IRS1: variants seen among roughly 807,000 people sequenced by gnomAD.
IRS1 encodes insulin receptor substrate 1.
A neutral mutation model predicts 65.6 loss-of-function variants in IRS1; 34 were observed. The ratio of observed to expected loss-of-function variants is 0.52; its 90% CI spans 0.39 to 0.69. The LOEUF (loss-of-function observed/expected upper bound fraction) is 0.69, where lower values mean the gene tolerates loss of function less well. IRS1 is among the 30% of genes least tolerant of loss of function. The pLI, the probability that IRS1 is intolerant of heterozygous loss-of-function variation, is 0.00. For missense variants in IRS1, 1,641 were observed against 1,720.2 expected (o/e 0.95, Z 0.81); for synonymous variants, 699 against 683.5 (o/e 1.02, Z -0.35).
rs1938662219 is a variant in IRS1, at chr2:226,750,759, A to C, written c.*22-14509T>G. On this transcript the variant is annotated intron_variant, in intron 1 of 1. Coordinates refer to ENST00000305123, the MANE Select transcript of IRS1 (RefSeq NM_005544.3). ...CATACTAAAGAAAAGCACAGAGAAA[A>C]TATCCAGATTATAAGGATATAGAAT... Among the ~76,000 whole-genome samples the C allele has an allele frequency of 2.0e-5, 3 of 152,216 alleles. No homozygotes were observed. In the South Asian group the frequency reaches 6.2e-4, roughly 32 times the overall value.
intron 1 of IRS1, among the ~76,000 whole-genome samples, chr2:226,736,567 C>G (rs1047111280): frequency 1.2e-4 from 19 of 152,236 alleles, no homozygotes; most frequent in African/African-American, 4.3e-4. Context: ...CAAAAACATA[C>G]ATCATTAGTT....
Position 226,774,372 on chromosome 2 carries a change from C to T in IRS1, c.*21+20617G>A, listed in dbSNP as rs555070742. Reference sequence around the variant, plus strand: ...TGGTACATAACCTATAAAGTTCTGTCTCTGAAAAAGTAAAACACTAACATG... The same window carrying T: ...TGGTACATAACCTATAAAGTTCTGTTTCTGAAAAAGTAAAACACTAACATG... On this transcript the variant is annotated intron_variant, in intron 1 of 1. Transcript: ENST00000305123. Among the ~76,000 whole-genome samples the T allele has an allele frequency of 2.6e-5, 4 of 151,998 alleles. No individual in the cohort carries two copies. In the South Asian group the frequency reaches 8.3e-4, roughly 32 times the overall value.
chr2:226,759,072 T>C (rs369437503), intron 1 of IRS1, among the ~76,000 whole-genome samples: 2 of 152,158 alleles, frequency 1.3e-5, no homozygotes, highest in African/African-American at 4.8e-5. Context: ...AAAAATCGGC[T>C]CTAATATCCA....
intron 1 of IRS1, among the ~76,000 whole-genome samples, chr2:226,751,415 C>G (rs983175467): frequency 6.6e-6 from 1 of 151,416 alleles, no homozygotes; most frequent in Non-Finnish European, 1.5e-5. Context: ...TCCCGAGTAG[C>G]TGGGACTACA....
chr2:226,752,336 T>C (rs1191423761), intron 1 of IRS1, among the ~76,000 whole-genome samples: 2 of 152,214 alleles, frequency 1.3e-5, no homozygotes, highest in African/African-American at 2.4e-5. Flanking sequence ...AGTAGCAAAC[T>C]GGTCCCCAAT....
intron 1 of IRS1, among the ~76,000 whole-genome samples, chr2:226,766,419 CT>C (rs1939050169): frequency 6.6e-6 from 1 of 151,420 alleles, no homozygotes; most frequent in East Asian, 1.9e-4. Flanking sequence ...TTGCCTTTGC[CT>C]CCCAAAGTGC....
chr2:226,754,987 T>G (rs889968418), intron 1 of IRS1, among the ~76,000 whole-genome samples: 4 of 152,176 alleles, frequency 2.6e-5, no homozygotes, highest in African/African-American at 7.2e-5. Context: ...GACTAATATT[T>G]TGACAAACAC....
Position 226,798,929 on chromosome 2 carries a change from AGG to A in IRS1, c.-193_-192del. ...GAAGGAGGACGCAGCTGCTGAGCCC[AGG>A]AGAGAGCCCGACCGGAGTTTTCGGG... is the stretch of plus-strand genomic sequence containing the variant. On this transcript the variant is annotated 5_prime_UTR_variant, in exon 1 of 2. Transcript: ENST00000305123. This position sits in a 1 kb window ranked among gnomAD's most constrained non-coding sequence, Gnocchi z 9.4. 3.4e-6 allele frequency: 5 copies of A among 1,463,302 alleles called. No homozygotes were observed. Among genetic ancestry groups the A allele is most frequent in the Non-Finnish European group, 4.5e-6 (5 of 1,107,050 alleles). 90.6% of individuals were successfully genotyped at this position (1,463,302 alleles called of 1,614,324 possible).
Position 226,798,641 on chromosome 2 carries a change from C to A in IRS1, c.98G>T (p.Arg33Leu). The A allele has an allele frequency of 6.2e-7, 1 of 1,613,036 alleles. No homozygotes were observed. The highest frequency in any genetic ancestry group is 8.5e-7 in the Non-Finnish European group (1 of 1,179,562). The change falls in exon 1 of 2, where the codon CGC becomes CTC. Residue 33 changes from arginine (R) to leucine (L), a missense_variant. Physicochemically the swap from Arg to Leu is moderately radical, Grantham distance 102 (BLOSUM62 -2). Around this residue, in one of 3 missense-constraint regions of IRS1, gnomAD observed 240 missense variants for 229.6 expected, o/e 1.05. Transcript: ENST00000305123. This position sits in a 1 kb window ranked among gnomAD's most constrained non-coding sequence, Gnocchi z 9.4. ...CGGGCCCCCAGCCTCGCTGGCCGCGCGCAGTACGAAGAAGCGTTTGTGCAT... is the reference window on the plus strand; with the variant it reads ...CGGGCCCCCAGCCTCGCTGGCCGCGAGCAGTACGAAGAAGCGTTTGTGCAT... ...KSMHKRFFVL[R>L]AASEAGGPAR...
At chr2:226,744,472 T>C (rs1159176300) in intron 1 of IRS1, among the ~76,000 whole-genome samples, 1 of 152,160 alleles carries the variant, frequency 6.6e-6, no homozygotes, top group Non-Finnish European at 1.5e-5. Context: ...CCCTACAACA[T>C]ACATCTAAGG....
Position 226,795,469 on chromosome 2 carries a change from T to C in IRS1, c.3270A>G (p.Ala1090=). The C allele has an allele frequency of 6.2e-7, 1 of 1,613,596 alleles. No individual in the cohort carries two copies. Among genetic ancestry groups the C allele is most frequent in the Non-Finnish European group, 8.5e-7 (1 of 1,180,024 alleles). The change falls in exon 1 of 2, where the codon GCA becomes GCG. Residue 1090 remains alanine (A), a synonymous_variant. Coordinates refer to ENST00000305123, the MANE Select transcript of IRS1 (RefSeq NM_005544.3). ...NRNQSAKVIR[A]DPQGCRRRHS... is the part of the protein sequence containing the mutation. Reference sequence around the variant, plus strand: ...GCCTCCGCCGGCACCCTTGTGGGTCTGCACGGATCACTTTGGCACTCTGGT... The same window carrying C: ...GCCTCCGCCGGCACCCTTGTGGGTCCGCACGGATCACTTTGGCACTCTGGT...
At chr2:226,768,694 T>G (rs1262471377) in intron 1 of IRS1, among the ~76,000 whole-genome samples, 1 of 152,172 alleles carries the variant, frequency 6.6e-6, no homozygotes, top group East Asian at 1.9e-4. Context: ...AATCTTGTAG[T>G]GGCGCTATCT....
rs147991761 is a variant in IRS1 at position 226,764,221 on chromosome 2, A to C, written c.*22-27971T>G. 3.3e-4 allele frequency among the ~76,000 whole-genome samples: 50 copies of C among 152,032 alleles called. No individual in the cohort carries two copies. The East Asian group carries it at 9.3e-3, about 28-fold the overall frequency. On this transcript the variant is annotated intron_variant, in intron 1 of 1. Transcript: ENST00000305123. Reference sequence around the variant, plus strand: ...CTTTAGAAACATCGAAGGATCACTAATGGAATGTGGCAAGAATCAGAGCTA... The same window carrying C: ...CTTTAGAAACATCGAAGGATCACTACTGGAATGTGGCAAGAATCAGAGCTA...
rs1178647249 is a variant in IRS1 at position 226,795,807 on chromosome 2, G to T, written c.2932C>A (p.Pro978Thr). 1 of 1,612,980 alleles carries T rather than the reference G, an allele frequency of 6.2e-7. No homozygotes were observed. Among genetic ancestry groups the T allele is most frequent in the African/African-American group, 1.3e-5 (1 of 75,052 alleles). The change falls in exon 1 of 2, where the codon CCT becomes ACT. Residue 978 changes from proline (P) to threonine (T), a missense_variant. Physicochemically the swap from Pro to Thr is conservative, Grantham distance 38. Transcript: ENST00000305123. ...APPGAASICR[P>T]TRAVPSSRGD... ...CGGCTGCTGGGCACTGCCCGGGTAG[G>T]CCTGCAAATGCTAGCAGCCCCGGGA...
At chr2:226,768,111 A>G (rs191367280) in intron 1 of IRS1, among the ~76,000 whole-genome samples, 13 of 152,220 alleles carry the variant, frequency 8.5e-5, no homozygotes, top group African/African-American at 3.1e-4. Context: ...TTCTACTGGG[A>G]CACTCTTCAC....
At chr2:226,774,699 G>A (rs545128705) in intron 1 of IRS1, among the ~76,000 whole-genome samples, 1 of 152,272 alleles carries the variant, frequency 6.6e-6, no homozygotes, top group South Asian at 2.1e-4. Flanking sequence ...TTTCATAACA[G>A]GTTGGTGGTC....
intron 1 of IRS1, among the ~76,000 whole-genome samples, chr2:226,746,433 GATGCA>G (rs1938547000): frequency 6.6e-6 from 1 of 152,108 alleles, no homozygotes; most frequent in Non-Finnish European, 1.5e-5. Context: ...ATTGCTGCCA[GATGCA>G]CATCTAATTG....
chr2:226,766,331 T>A (rs2106169580), intron 1 of IRS1, among the ~76,000 whole-genome samples: 1 of 149,994 alleles, frequency 6.7e-6, no homozygotes, highest in South Asian at 2.1e-4. Context: ...CCTCAGCTAA[T>A]TTTTGTATCT....
chr2:226,774,098 A>T (rs1285666379), intron 1 of IRS1, among the ~76,000 whole-genome samples: 1 of 152,184 alleles, frequency 6.6e-6, no homozygotes. Context: ...TTCCCACTGG[A>T]CGTCCGGAAA....
Sources: allele counts gnomAD v4.1 joint callset (sites outside exome capture counted in the v4.1 genomes callset), GRCh38; gene constraint gnomAD v4.1.1; regional missense constraint gnomAD v4.1.1; non-coding constraint Gnocchi (gnomAD v3.1); transcripts MANE v1.5; gene names NCBI Gene and HGNC (gene_info 2026-07-23, HGNC 2026-07-21).